Variants in GABRG3 observed in about 807,000 individuals in gnomAD.
The protein encoded by GABRG3 is gamma-aminobutyric acid receptor subunit gamma-3.
Under a neutral mutation model 48.8 loss-of-function variants are expected in GABRG3, and 25 were observed. That is an observed-to-expected ratio of 0.51 (90% CI 0.37 to 0.72). The LOEUF (loss-of-function observed/expected upper bound fraction) is 0.72, where lower values mean the gene tolerates loss of function less well. Ranked by LOEUF, GABRG3 falls within the 30% of genes least tolerant of loss-of-function variation. GABRG3 has a pLI of 0.00. For synonymous variants in GABRG3, 227 were observed against 217.6 expected (o/e 1.04, Z -0.38); for missense variants, 394 against 577.9 (o/e 0.68, Z 3.26).
intron 3 of GABRG3, among the ~76,000 whole-genome samples, chr15:27,288,950 A>G (rs953900365): frequency 2.0e-5 from 3 of 152,176 alleles, no homozygotes; most frequent in Non-Finnish European, 2.9e-5. Context: ...CACTGCGTAT[A>G]GAATTCTTGG....
rs1052550625 is a variant in GABRG3 at position 27,529,784 on chromosome 15, A to C, written c.1122+1792A>C. ...CCAGCACCTGGGTGTTGAAAGAAGG[A>C]GAGAAACATTGACCTCTTTAGTACA... On this transcript the variant is annotated intron_variant, in intron 9 of 9. Coordinates refer to ENST00000615808, the MANE Select transcript of GABRG3 (RefSeq NM_033223.5). Among the ~76,000 whole-genome samples the C allele has an allele frequency of 5.3e-5, 8 of 151,874 alleles. No homozygotes were observed. In the East Asian group the frequency reaches 7.7e-4, roughly 15 times the overall value.
chr15:27,204,789 C>G (rs1349127008), intron 3 of GABRG3, among the ~76,000 whole-genome samples: 1 of 151,818 alleles, frequency 6.6e-6, no homozygotes, highest in African/African-American at 2.4e-5. Context: ...ATATGTCATT[C>G]TTTTTGTGGC....
chr15:26,981,496 C>G (rs1290467809), intron 2 of GABRG3, among the ~76,000 whole-genome samples: 1 of 152,182 alleles, frequency 6.6e-6, no homozygotes, highest in Non-Finnish European at 1.5e-5. Flanking sequence ...TGGACTGGAT[C>G]CTGTTGTCTG....
chr15:27,206,877 CT>C (rs1020680279), intron 3 of GABRG3, among the ~76,000 whole-genome samples: 3 of 151,882 alleles, frequency 2.0e-5, no homozygotes, highest in South Asian at 2.1e-4. Context: ...AACCGGTGCT[CT>C]TTTTTTTGTT....
chr15:27,267,565 A>G (rs1048366906), intron 3 of GABRG3, among the ~76,000 whole-genome samples: 1 of 151,980 alleles, frequency 6.6e-6, no homozygotes, highest in African/African-American at 2.4e-5. Context: ...TCAGCCTCCC[A>G]AGCAGCTGAG....
chr15:27,223,371 G>A (rs1446018933), intron 3 of GABRG3, among the ~76,000 whole-genome samples: 1 of 152,144 alleles, frequency 6.6e-6, no homozygotes, highest in Admixed American at 6.6e-5. Flanking sequence ...GCCTGGATAC[G>A]GCAATCTGAT....
chr15:27,223,723 C>T (rs1438073959), intron 3 of GABRG3, among the ~76,000 whole-genome samples: 1 of 152,090 alleles, frequency 6.6e-6, no homozygotes, highest in Non-Finnish European at 1.5e-5. Context: ...GTCCCCCGTG[C>T]CACACTTCAC....
At chr15:27,167,826 A>T (rs145830856) in intron 3 of GABRG3, among the ~76,000 whole-genome samples, 2,775 of 152,210 alleles carry the variant, frequency 0.018, 48 homozygotes, top group Non-Finnish European at 0.026. Context: ...GTCCGTAGGG[A>T]AGGAGTGGCT....
chr15:27,271,470 T>G lies in GABRG3; in HGVS notation c.271-55339T>G, dbSNP rs1243248435. ...GAGGCCTAGACCACGCCCTCGGAGCTCAGGCCATGCCCTCAGAGCAACAGG... is the reference window on the plus strand; with the variant it reads ...GAGGCCTAGACCACGCCCTCGGAGCGCAGGCCATGCCCTCAGAGCAACAGG... On this transcript the variant is annotated intron_variant, in intron 3 of 9. Transcript: ENST00000615808. The G allele has an allele frequency of 1.3e-5, 6 of 445,620 alleles. No homozygotes were observed. The Admixed American group carries it at 1.5e-4, about 11-fold the overall frequency. The allele number at this position is 445,620 out of a possible 1,614,324, so 27.6% of individuals were successfully genotyped here.
chr15:27,246,254 A>C (rs1890267993), intron 3 of GABRG3, among the ~76,000 whole-genome samples: 1 of 152,156 alleles, frequency 6.6e-6, no homozygotes, highest in Non-Finnish European at 1.5e-5. Context: ...TTTTAAAATA[A>C]AATAAATATA....
chr15:27,355,342 G>T (rs1894800226), intron 5 of GABRG3, among the ~76,000 whole-genome samples: 1 of 152,182 alleles, frequency 6.6e-6, no homozygotes, highest in African/African-American at 2.4e-5. Context: ...TTTCTCCAAA[G>T]AAGTTATACA....
At chr15:27,059,409 C>A (rs1006867197) in intron 3 of GABRG3, among the ~76,000 whole-genome samples, 2 of 152,164 alleles carry the variant, frequency 1.3e-5, no homozygotes, top group African/African-American at 4.8e-5. Context: ...TCTCCATCAC[C>A]GTTCTGTTAT....
At chr15:27,500,345 G>A (rs772257570) in intron 6 of GABRG3, among the ~76,000 whole-genome samples, 29 of 152,150 alleles carry the variant, frequency 1.9e-4, no homozygotes, top group Non-Finnish European at 2.9e-4. Context: ...CACACAGCCC[G>A]AGGCAGAAGG....
At chr15:27,407,107 A>G (rs984045717) in intron 5 of GABRG3, among the ~76,000 whole-genome samples, 2 of 152,078 alleles carry the variant, frequency 1.3e-5, no homozygotes. Flanking sequence ...TTGTAGTTTT[A>G]GTAGGGACAG....
chr15:27,088,621 C>T (rs1463945618), intron 3 of GABRG3, among the ~76,000 whole-genome samples: 1 of 152,148 alleles, frequency 6.6e-6, no homozygotes, highest in African/African-American at 2.4e-5. Flanking sequence ...ACTCACAATC[C>T]TGGTGGAAGG....
Position 26,973,659 on chromosome 15 carries a change from G to A in GABRG3, c.53+2071G>A, listed in dbSNP as rs145056962. The stretch of plus-strand genomic sequence containing the variant: ...GGACTCCCCATTTTGACACCCATGG[G>A]CATCATAAAACGCACTGATTCCCAC... On this transcript the variant is annotated intron_variant, in intron 1 of 9. Coordinates refer to ENST00000615808, the MANE Select transcript of GABRG3 (RefSeq NM_033223.5). Among the ~76,000 whole-genome samples, 84 of 152,290 alleles carry A rather than the reference G, an allele frequency of 5.5e-4. No homozygotes were observed. In the East Asian group the frequency reaches 0.015, roughly 28 times the overall value.
At chr15:27,496,583 C>T (rs1203798873) in intron 6 of GABRG3, among the ~76,000 whole-genome samples, 9 of 152,116 alleles carry the variant, frequency 5.9e-5, no homozygotes, top group Non-Finnish European at 4.4e-5. Context: ...TGGTCTTCTC[C>T]ACATTTCGAA....
At chr15:27,299,233 A>C (rs181441733) in intron 3 of GABRG3, among the ~76,000 whole-genome samples, 31 of 152,290 alleles carry the variant, frequency 2.0e-4, no homozygotes, top group Non-Finnish European at 4.0e-4. Flanking sequence ...GCAGTGAGTC[A>C]AGATTGCACC....
At chr15:27,095,639 C>G (rs898415774) in intron 3 of GABRG3, among the ~76,000 whole-genome samples, 3 of 152,196 alleles carry the variant, frequency 2.0e-5, no homozygotes, top group Admixed American at 2.0e-4. Flanking sequence ...GATGCCACAG[C>G]ATGGGAGAGG....
Sources: gnomAD v4.1 joint callset for allele counts (sites outside exome capture counted in the v4.1 genomes callset) on GRCh38, gnomAD v4.1.1 for gene constraint, MANE v1.5 for transcripts, NCBI Gene and HGNC (gene_info 2026-07-23, HGNC 2026-07-21) for gene names.